The following CEP170 variants were observed in gnomAD, a reference collection of about 807,000 sequenced individuals.
The protein encoded by CEP170 is centrosomal protein 170.
In CEP170, 21 loss-of-function variants were observed where a neutral mutation model predicts 151.9. That is an observed-to-expected ratio of 0.14 (90% CI 0.10 to 0.20). The LOEUF (loss-of-function observed/expected upper bound fraction) is 0.20. Ranked by LOEUF, CEP170 falls within the 10% of genes least tolerant of loss-of-function variation. The pLI, the probability that CEP170 is intolerant of heterozygous loss-of-function variation, is 1.00. For synonymous variants in CEP170, 356 were observed against 648.8 expected, an observed-to-expected ratio of 0.55 and a Z score of 6.86; for missense variants, 964 against 1,892.9, an observed-to-expected ratio of 0.51 and a Z score of 9.11.
At chr1:243,220,263 C>T (rs2062672911) in intron 3 of CEP170, among the ~76,000 whole-genome samples, 1 of 151,998 alleles carries the variant, frequency 6.6e-6, no homozygotes, top group African/African-American at 2.4e-5. Context: ...TGAAGAAAGA[C>T]ATAGCATAGC....
At chr1:243,221,856 G>T (rs779935427) in intron 2 of CEP170, 43 bp from the exon 3 acceptor site, 10 of 1,534,298 alleles carry the variant, frequency 6.5e-6, no homozygotes, top group Non-Finnish European at 7.9e-6. Flanking sequence ...GAAAATACTA[G>T]AATAAATACC....
rs747092811 is a variant in CEP170, at chr1:243,200,846, C to A, written c.275-11G>T. On this transcript the variant is annotated splice_polypyrimidine_tract_variant and intron_variant, in intron 4 of 19. Coordinates refer to ENST00000366542, the MANE Select transcript of CEP170 (RefSeq NM_014812.3). ...TGAAAAGATTTGTATGTAAACGGGG[C>A]TAAGGAAGAATATAACCTCAAATTT... The A allele has an allele frequency of 6.2e-7, 1 of 1,600,374 alleles. No homozygotes were observed. The highest frequency in any genetic ancestry group is 8.5e-7 in the Non-Finnish European group (1 of 1,176,274).
chr1:243,162,290 G>A (rs1360208641), intron 13 of CEP170, among the ~76,000 whole-genome samples: 1 of 152,176 alleles, frequency 6.6e-6, no homozygotes, highest in Non-Finnish European at 1.5e-5. Context: ...AGAAAAACAG[G>A]CTGGGGATTA....
chr1:243,186,923 C>G (rs1166273957), intron 8 of CEP170, among the ~76,000 whole-genome samples: 1 of 152,180 alleles, frequency 6.6e-6, no homozygotes, highest in Non-Finnish European at 1.5e-5. Context: ...ATGTTCAGTA[C>G]TTTCAGAAGC....
intron 13 of CEP170, chr1:243,163,141 T>G (rs1314944487): frequency 6.6e-6 from 1 of 152,168 alleles, no homozygotes; most frequent in Non-Finnish European, 1.5e-5. Context: ...GTGAAAAAAG[T>G]ATCATATGCA....
Position 243,207,509 on chromosome 1 carries a change from C to CTGAA in CEP170, c.274+4373_274+4376dup, listed in dbSNP as rs568613750. The stretch of plus-strand genomic sequence containing the variant: ...AATAAATCAGTAAAATACAGCAGAC[C>CTGAA]TGAACACCCACCAAGCCAACCTGGC... On this transcript the variant is annotated intron_variant, in intron 4 of 19. Transcript: ENST00000366542. Among the ~76,000 whole-genome samples, 1,000 of 152,144 alleles carry CTGAA rather than the reference C, an allele frequency of 6.6e-3. 10 individuals carry two copies. Among genetic ancestry groups the CTGAA allele is most frequent in the African/African-American group, 0.023 (949 of 41,510 alleles).
intron 1 of CEP170, among the ~76,000 whole-genome samples, chr1:243,252,832 G>A (rs75616375): frequency 0.044 from 6,741 of 151,888 alleles, 298 homozygotes; most frequent in African/African-American, 0.12. Flanking sequence ...AAAATTAAAC[G>A]ATTAAAATTA....
chr1:243,226,970 C>G (rs1448366435), intron 1 of CEP170, among the ~76,000 whole-genome samples: 1 of 152,186 alleles, frequency 6.6e-6, no homozygotes, highest in African/African-American at 2.4e-5. Context: ...TCCTGGGCAA[C>G]AGGAGTGAAA....
intron 1 of CEP170, among the ~76,000 whole-genome samples, chr1:243,241,659 A>G (rs1375058627): frequency 6.6e-6 from 1 of 151,864 alleles, no homozygotes; most frequent in African/African-American, 2.4e-5. Context: ...GCGTGGTGGC[A>G]GGCGCCTGTA....
At chr1:243,194,698 C>T (rs943358927) in intron 7 of CEP170, among the ~76,000 whole-genome samples, 8 of 151,754 alleles carry the variant, frequency 5.3e-5, no homozygotes, top group Non-Finnish European at 1.2e-4. Flanking sequence ...ACCTTTCCTC[C>T]CTCAGAACAC....
chr1:243,205,035 A>G (rs2061318956), intron 4 of CEP170, among the ~76,000 whole-genome samples: 1 of 152,092 alleles, frequency 6.6e-6, no homozygotes, highest in Admixed American at 6.6e-5. Context: ...CACTGCCCCA[A>G]CTCACTGCCC....
intron 10 of CEP170, among the ~76,000 whole-genome samples, chr1:243,181,264 T>C (rs1381060864): frequency 6.6e-6 from 1 of 152,178 alleles, no homozygotes; most frequent in Admixed American, 6.5e-5. Flanking sequence ...AGATAATTAC[T>C]AGTATGAGAG....
chr1:243,159,275 G>A (rs553182972), intron 13 of CEP170, among the ~76,000 whole-genome samples: 79 of 152,182 alleles, frequency 5.2e-4, no homozygotes, highest in Non-Finnish European at 1.0e-3. Flanking sequence ...GGGATGCTAT[G>A]AAGAAAAGCT....
At chr1:243,133,006 A>C (rs1350887490) in intron 17 of CEP170, among the ~76,000 whole-genome samples, 1 of 152,176 alleles carries the variant, frequency 6.6e-6, no homozygotes, top group Non-Finnish European at 1.5e-5. Flanking sequence ...TTAGCTTCCT[A>C]TGGTTTTTAA....
At position 243,165,595 on chromosome 1, in the gene CEP170, C is replaced by T. The variant is rs755659232; in HGVS notation, c.2365G>A (p.Glu789Lys). 6.2e-7 allele frequency: 1 copy of T among 1,613,910 alleles called. No homozygotes were observed. Among genetic ancestry groups the T allele is most frequent in the Admixed American group, 1.7e-5 (1 of 60,004 alleles). ...CTTGTAGAATGTCCTGAATTTTTTT[C>T]TGGAGGTTGTGATTCTTGTTTAAAA... is the stretch of plus-strand genomic sequence containing the variant. ...ETFKQESQPP[E>K]KNSGHSTSKG... Residue 789 changes from glutamate to lysine, a missense_variant, in exon 13 of 20, where the codon GAA becomes AAA. Physicochemically the swap from Glu to Lys is moderately conservative, Grantham distance 56. Transcript: ENST00000366542.
chr1:243,234,054 T>G (rs992090324), intron 1 of CEP170, among the ~76,000 whole-genome samples: 21 of 152,186 alleles, frequency 1.4e-4, no homozygotes, highest in Non-Finnish European at 2.6e-4. Context: ...GGGCAGTCTA[T>G]CCTTATGGTC....
chr1:243,198,324 C>A (rs1322180035), intron 7 of CEP170, among the ~76,000 whole-genome samples: 2 of 152,076 alleles, frequency 1.3e-5, no homozygotes, highest in East Asian at 3.8e-4. Flanking sequence ...TTAACAATAT[C>A]AGAAATATCA....
intron 2 of CEP170, among the ~76,000 whole-genome samples, chr1:243,222,329 G>A (rs1046604555): frequency 1.3e-5 from 2 of 152,138 alleles, no homozygotes; most frequent in African/African-American, 2.4e-5. Flanking sequence ...TGGAATTCAC[G>A]GGACAGCTCT....
chr1:243,138,478 C>T (rs918471653), intron 16 of CEP170, among the ~76,000 whole-genome samples: 19 of 152,196 alleles, frequency 1.2e-4, no homozygotes, highest in East Asian at 1.9e-4. Flanking sequence ...GATCTTATTC[C>T]TAAATCCAGG....
Sources: gnomAD v4.1 joint callset for allele counts (sites outside exome capture counted in the v4.1 genomes callset) on GRCh38, gnomAD v4.1.1 for gene constraint, MANE v1.5 for transcripts, NCBI Gene and HGNC (gene_info 2026-07-23, HGNC 2026-07-21) for gene names.